WDPCP: variants seen among roughly 807,000 people sequenced by gnomAD.
The protein encoded by WDPCP is WD repeat-containing and planar cell polarity effector protein fritz homolog.
WDPCP carries 71 observed loss-of-function variants against 93.1 expected under a neutral mutation model. The observed-to-expected ratio is 0.76, with a 90% CI of 0.63 to 0.93. WDPCP has a LOEUF of 0.93. WDPCP is among the 40% of genes least tolerant of loss of function. The probability of loss-of-function intolerance (pLI) is 0.00; values close to 1 mark genes in which losing one functional copy is unlikely to be tolerated. For missense variants in WDPCP, 844 were observed against 887.4 expected, an observed-to-expected ratio of 0.95 and a Z score of 0.62; for synonymous variants, 315 against 315.0, an observed-to-expected ratio of 1.00 and a Z score of 0.00.
intron 6 of WDPCP, among the ~76,000 whole-genome samples, chr2:63,475,623 A>G (rs529683357): frequency 2.0e-5 from 3 of 152,136 alleles, no homozygotes; most frequent in Non-Finnish European, 4.4e-5. Context: ...AGAGAGCTTA[A>G]TAATAACAAC....
chr2:63,783,820 G>T (rs1670431558), intron 2 of WDPCP, among the ~76,000 whole-genome samples: 1 of 152,088 alleles, frequency 6.6e-6, no homozygotes, highest in African/African-American at 2.4e-5. Flanking sequence ...TGGGTACAAT[G>T]ACCATTATTT....
chr2:63,794,680 G>C (rs1405043420), intron 2 of WDPCP, among the ~76,000 whole-genome samples: 2 of 152,170 alleles, frequency 1.3e-5, no homozygotes, highest in Non-Finnish European at 2.9e-5. Context: ...TAGACTTCCA[G>C]TTGTGTGCAC....
chr2:63,467,159 A>T (rs1036416682), intron 6 of WDPCP, among the ~76,000 whole-genome samples: 1 of 152,138 alleles, frequency 6.6e-6, no homozygotes, highest in Admixed American at 6.5e-5. Flanking sequence ...TACAATGTAA[A>T]TTTCCTGTTT....
intron 2 of WDPCP, among the ~76,000 whole-genome samples, chr2:63,684,130 ATACT>A (rs1349937194): frequency 6.6e-6 from 1 of 152,224 alleles, no homozygotes; most frequent in African/African-American, 2.4e-5. Flanking sequence ...AACCTAGTAG[ATACT>A]TACAGAACAT....
At chr2:63,621,604 G>T (rs926936340) in intron 3 of WDPCP, among the ~76,000 whole-genome samples, 10 of 152,156 alleles carry the variant, frequency 6.6e-5, no homozygotes, top group Non-Finnish European at 1.5e-4. Context: ...ACACTCTTCA[G>T]GATATTATCC....
chr2:63,373,619 C>T (rs1469493311), intron 12 of WDPCP, among the ~76,000 whole-genome samples: 2 of 151,116 alleles, frequency 1.3e-5, no homozygotes, highest in Non-Finnish European at 2.9e-5. Flanking sequence ...ATCTGTTTTA[C>T]ATTAACAATG....
At chr2:63,623,232 C>T (rs1276316799) in intron 3 of WDPCP, among the ~76,000 whole-genome samples, 1 of 152,216 alleles carries the variant, frequency 6.6e-6, no homozygotes, top group East Asian at 1.9e-4. Context: ...ACTGCAAAAA[C>T]ATACCAAATT....
chr2:63,380,962 A>G (rs1692254258), intron 11 of WDPCP, among the ~76,000 whole-genome samples: 1 of 152,152 alleles, frequency 6.6e-6, no homozygotes, highest in Non-Finnish European at 1.5e-5. Flanking sequence ...AATGTAATAA[A>G]GTGGGATAAG....
In WDPCP at chr2:63,240,335, C is replaced by T. The variant is rs1672797394; in HGVS notation, c.1915+18972G>A. ...TAGGGCTGCAGGTGCGTGCCACCAC[C>T]CCGAGCTAGCTTTAAAATTTTTGGT... On this transcript the variant is annotated intron_variant, in intron 14 of 17. Transcript: ENST00000272321. Among the ~76,000 whole-genome samples the T allele has an allele frequency of 2.0e-5, 3 of 151,898 alleles. No homozygotes were observed. In the South Asian group the frequency reaches 6.2e-4, roughly 32 times the overall value.
intron 14 of WDPCP, among the ~76,000 whole-genome samples, chr2:63,186,790 C>T (rs988885683): frequency 6.6e-6 from 1 of 150,902 alleles, no homozygotes; most frequent in African/African-American, 2.4e-5. Flanking sequence ...TATGACTGTG[C>T]ACTGTTTTGT....
At chr2:63,493,521 G>A (rs1701022657) in intron 1 of WDPCP, among the ~76,000 whole-genome samples, 1 of 150,756 alleles carries the variant, frequency 6.6e-6, no homozygotes, top group South Asian at 2.1e-4. Context: ...TGCATGTCAT[G>A]ATGGATCCAG....
Position 63,174,607 on chromosome 2 carries a change from C to A in WDPCP, c.2078+63G>T. 5.6e-6 allele frequency: 9 copies of A among 1,595,614 alleles called. No individual in the cohort carries two copies. In the South Asian group the frequency reaches 7.7e-5, roughly 14 times the overall value. On this transcript the variant is annotated intron_variant, in intron 15 of 17. Transcript: ENST00000272321. ...AAATATTCTTGCTTTGCTATTAGTT[C>A]GCATTTGAACAGGTAATACTAAATA...
chr2:63,730,777 A>T (rs1000031640), intron 2 of WDPCP, among the ~76,000 whole-genome samples: 1 of 152,214 alleles, frequency 6.6e-6, no homozygotes, highest in African/African-American at 2.4e-5. Flanking sequence ...TATCATTAAA[A>T]GAGTGAAAAG....
chr2:63,210,332 A>G (rs926744824), intron 14 of WDPCP, among the ~76,000 whole-genome samples: 2 of 152,168 alleles, frequency 1.3e-5, no homozygotes, highest in Non-Finnish European at 1.5e-5. Flanking sequence ...AAAAAATTAA[A>G]TGTAATTTAA....
At chr2:63,493,856 C>A (rs1288204245) in intron 1 of WDPCP, among the ~76,000 whole-genome samples, 2 of 152,020 alleles carry the variant, frequency 1.3e-5, no homozygotes, top group African/African-American at 2.4e-5. Context: ...TTTATAGAAT[C>A]AGGAAAGAAA....
chr2:63,613,281 A>G (rs1031432481), intron 3 of WDPCP, among the ~76,000 whole-genome samples: 10 of 152,252 alleles, frequency 6.6e-5, no homozygotes, highest in Non-Finnish European at 1.2e-4. Context: ...ATTCAAATGC[A>G]TGTGATTTAC....
chr2:63,530,570 G>T (rs1558763256), intron 1 of WDPCP, among the ~76,000 whole-genome samples: 1 of 152,140 alleles, frequency 6.6e-6, no homozygotes, highest in South Asian at 2.1e-4. Flanking sequence ...GGTAATTAAG[G>T]TTCAGAGAGC....
intron 2 of WDPCP, among the ~76,000 whole-genome samples, chr2:63,727,852 T>C (rs1431966825): frequency 1.3e-5 from 2 of 152,228 alleles, no homozygotes; most frequent in African/African-American, 4.8e-5. Context: ...GTGCTCATAA[T>C]AGTGGCACTG....
rs1456923829 is a variant in WDPCP at position 63,655,270 on chromosome 2, T to C, written n.309-4432A>G. On this transcript the variant is annotated intron_variant and non_coding_transcript_variant, in intron 2 of 4. Transcript: ENST00000467687. ...TCACCAAATGAGAACTTGGTGAGCA[T>C]TGCTCTCTCTTCGTATTACCCCCTT... 5.3e-5 allele frequency among the ~76,000 whole-genome samples: 8 copies of C among 152,180 alleles called. 1 individual carries two copies. Among genetic ancestry groups the C allele is most frequent in the African/African-American group, 1.7e-4 (7 of 41,432 alleles).
Sources: gnomAD v4.1 joint callset for allele counts (sites outside exome capture counted in the v4.1 genomes callset) on GRCh38, gnomAD v4.1.1 for gene constraint, MANE v1.5 for transcripts, NCBI Gene and HGNC (gene_info 2026-07-23, HGNC 2026-07-21) for gene names.